Variants in TRIO observed in about 807,000 individuals in gnomAD.
TRIO encodes triple functional domain protein.
A neutral mutation model predicts 351.9 loss-of-function variants in TRIO; 58 were observed. That is an observed-to-expected ratio of 0.16 (90% CI 0.13 to 0.21). The LOEUF (loss-of-function observed/expected upper bound fraction) is 0.21, where lower values mean the gene tolerates loss of function less well. Ranked by LOEUF, TRIO falls within the 10% of genes least tolerant of loss-of-function variation. The pLI is 1.00. For missense variants in TRIO, 3,201 were observed against 4,027.8 expected, an observed-to-expected ratio of 0.79 and a Z score of 5.56; for synonymous variants, 1,758 against 1,595.7, an observed-to-expected ratio of 1.10 and a Z score of -2.42.
intron 21 of TRIO, among the ~76,000 whole-genome samples, chr5:14,386,658 T>C (rs1034850426): frequency 7.2e-5 from 11 of 152,208 alleles, no homozygotes; most frequent in Non-Finnish European, 1.5e-4. Context: ...AGAGAGCTGT[T>C]GAGAAGTCAG....
chr5:14,238,455 C>T (rs1357464893), intron 1 of TRIO, among the ~76,000 whole-genome samples: 1 of 152,212 alleles, frequency 6.6e-6, no homozygotes, highest in Non-Finnish European at 1.5e-5. Flanking sequence ...TTCGCAGCCT[C>T]CAGGGCTCCA....
chr5:14,317,995 C>T (rs374992451), intron 9 of TRIO, among the ~76,000 whole-genome samples: 1 of 152,062 alleles, frequency 6.6e-6, no homozygotes, highest in East Asian at 1.9e-4. Context: ...GGTGTGGTGG[C>T]GCATGCCTGT....
intron 55 of TRIO, among the ~76,000 whole-genome samples, chr5:14,505,024 G>T (rs370165544): frequency 2.6e-5 from 4 of 152,366 alleles, no homozygotes; most frequent in African/African-American, 7.2e-5. Flanking sequence ...CCAAGTGAAG[G>T]CCAGTTGGAT....
chr5:14,464,196 A>G (rs1023685269), intron 36 of TRIO, among the ~76,000 whole-genome samples: 1 of 152,156 alleles, frequency 6.6e-6, no homozygotes, highest in Non-Finnish European at 1.5e-5. Flanking sequence ...TTCCTAAGCT[A>G]TTTTGTAATA....
chr5:14,378,593 CTTG>C (rs1268476608), intron 20 of TRIO, among the ~76,000 whole-genome samples: 1 of 149,244 alleles, frequency 6.7e-6, no homozygotes, highest in Admixed American at 6.7e-5. Flanking sequence ...GAGTTTTGCT[CTTG>C]TTGTCCAGGC....
chr5:14,200,298 G>C (rs1406121509), intron 1 of TRIO, among the ~76,000 whole-genome samples: 1 of 152,168 alleles, frequency 6.6e-6, no homozygotes, highest in African/African-American at 2.4e-5. Flanking sequence ...AGTGCCACCT[G>C]CTCAAGAGAG....
intron 55 of TRIO, 80 bp from the exon 56 acceptor site, chr5:14,507,042 G>T: frequency 6.8e-7 from 1 of 1,477,422 alleles, no homozygotes; most frequent in South Asian, 1.5e-5. Context: ...TGACAGGTCC[G>T]ACATGTTTAC....
rs1745742576 is a variant in TRIO at position 14,378,251 on chromosome 5, C to T, written c.3447+124C>T. 7 of 650,346 alleles carry T rather than the reference C, an allele frequency of 1.1e-5. No individual in the cohort carries two copies. The East Asian group carries it at 1.7e-4, about 15-fold the overall frequency. 40.3% of individuals were successfully genotyped at this position (650,346 alleles called of 1,614,324 possible). On this transcript the variant is annotated intron_variant, in intron 20 of 56. Transcript: ENST00000344204. Reference sequence around the variant, plus strand: ...CACTTTCTAATGACAAACAGTATAGCCTTCTAGTTAAGTTTGTTATAAAAA... The same window carrying T: ...CACTTTCTAATGACAAACAGTATAGTCTTCTAGTTAAGTTTGTTATAAAAA...
intron 1 of TRIO, among the ~76,000 whole-genome samples, chr5:14,252,529 G>A (rs971087134): frequency 6.6e-6 from 1 of 152,170 alleles, no homozygotes; most frequent in Non-Finnish European, 1.5e-5. Context: ...CTTCATCTGT[G>A]TCCTTTTTAA....
intron 2 of TRIO, among the ~76,000 whole-genome samples, chr5:14,275,529 G>C (rs953469049): frequency 6.6e-6 from 1 of 151,612 alleles, no homozygotes; most frequent in Non-Finnish European, 1.5e-5. Context: ...AAAAAATCTA[G>C]TTTTTGTGTT....
intron 55 of TRIO, 49 bp downstream of exon 55, chr5:14,504,642 C>T: frequency 6.3e-7 from 1 of 1,591,314 alleles, no homozygotes; most frequent in African/African-American, 1.3e-5. Flanking sequence ...GCCTCCACCT[C>T]AGGGGGTTTT....
intron 34 of TRIO, among the ~76,000 whole-genome samples, chr5:14,422,063 ACT>A (rs1354706549): frequency 6.6e-6 from 1 of 151,970 alleles, no homozygotes; most frequent in South Asian, 2.1e-4. Flanking sequence ...CTGCCCGTCC[ACT>A]CTCTCCTTTT....
At chr5:14,161,480 T>A (rs183365176) in intron 1 of TRIO, among the ~76,000 whole-genome samples, 7 of 152,280 alleles carry the variant, frequency 4.6e-5, no homozygotes. Flanking sequence ...TCTGGACTGG[T>A]TCCTTTGGGT....
rs1302839878 is a variant in TRIO, at chr5:14,507,202, A to G, written c.8693A>G (p.Glu2898Gly). The G allele has an allele frequency of 6.2e-7, 1 of 1,611,344 alleles. No homozygotes were observed. Among genetic ancestry groups the G allele is most frequent in the East Asian group, 2.2e-5 (1 of 44,824 alleles). ...GGGAAGATCAGGGCGCACCTGGGGG[A>G]GGTTCTGGAAGCTGTCCGGTACCTG... ...TEGKIRAHLG[E>G]VLEAVRYLHN... is the part of the protein sequence containing the mutation. Residue 2898 changes from glutamate to glycine, a missense_variant, in exon 56 of 57, where the codon GAG becomes GGG. By Grantham distance (98) the Glu-to-Gly change is moderately conservative. Transcript: ENST00000344204.
intron 6 of TRIO, among the ~76,000 whole-genome samples, chr5:14,294,769 A>G (rs993530494): frequency 6.6e-6 from 1 of 152,208 alleles, no homozygotes; most frequent in African/African-American, 2.4e-5. Context: ...CCTGCCTTCC[A>G]TGGTATTACA....
chr5:14,464,742 A>G (rs1333490037), intron 36 of TRIO, among the ~76,000 whole-genome samples: 1 of 152,192 alleles, frequency 6.6e-6, no homozygotes, highest in East Asian at 1.9e-4. Flanking sequence ...TGTGGGTCGC[A>G]TGCCTCGCCG....
In TRIO at chr5:14,244,119, G is replaced by A. The variant is rs137906656; in HGVS notation, c.158-26706G>A. ...ATCATGGAACGTTTTGAGGTCTTTG[G>A]GTAGCACACTTTAACATAGGGATTG... On this transcript the variant is annotated intron_variant, in intron 1 of 56. Coordinates refer to ENST00000344204, the MANE Select transcript of TRIO (RefSeq NM_007118.4). 2.2e-3 allele frequency among the ~76,000 whole-genome samples: 333 copies of A among 152,298 alleles called. 3 individuals are homozygous for A. Among genetic ancestry groups the A allele is most frequent in the Middle Eastern group, 0.01 (3 of 294 alleles).
intron 21 of TRIO, among the ~76,000 whole-genome samples, chr5:14,385,936 T>G (rs1223765116): frequency 6.6e-6 from 1 of 152,210 alleles, no homozygotes; most frequent in Non-Finnish European, 1.5e-5. Context: ...ACAGGTAGTT[T>G]ACAGTGCCCT....
At chr5:14,248,421 A>G (rs1794558396) in intron 1 of TRIO, among the ~76,000 whole-genome samples, 1 of 152,260 alleles carries the variant, frequency 6.6e-6, no homozygotes, top group Non-Finnish European at 1.5e-5. Context: ...TGAGTAGATT[A>G]GGAAAGTAAA....
Sources: gnomAD v4.1 joint callset for allele counts (sites outside exome capture counted in the v4.1 genomes callset) on GRCh38, gnomAD v4.1.1 for gene constraint, MANE v1.5 for transcripts, NCBI Gene and HGNC (gene_info 2026-07-23, HGNC 2026-07-21) for gene names.